Variants in PCDHGA5 observed in about 807,000 individuals in gnomAD.
PCDHGA5 encodes the protein protocadherin gamma subfamily A, 5.
PCDHGA5 carries 36 observed loss-of-function variants against 56.7 expected under a neutral mutation model. The observed-to-expected ratio is 0.64, with a 90% confidence interval of 0.49 to 0.84. The LOEUF is 0.84. Among genes scored for constraint, PCDHGA5 ranks in the 40% least tolerant of loss-of-function variants. The pLI is 0.00. For synonymous variants in PCDHGA5, 563 were observed against 520.2 expected (o/e 1.08, Z -1.12); for missense variants, 1,305 against 1,201.5 (o/e 1.09, Z -1.27).
chr5:141,379,850 ATTATTGTCTTATTCTTAT>A (rs1302175225), intron 1 of PCDHGA5, among the ~76,000 whole-genome samples: 1 of 133,230 alleles, frequency 7.5e-6, no homozygotes, highest in African/African-American at 2.8e-5. Flanking sequence ...AAACTACCAA[ATTATTGTCTTATTCTTAT>A]TTTATGGTCT....
intron 1 of PCDHGA5, chr5:141,417,186 C>A (rs2154546857): frequency 6.6e-6 from 1 of 152,258 alleles, no homozygotes; most frequent in Admixed American, 6.5e-5. Context: ...GGAATTATTA[C>A]TTTCTGGGTG....
At chr5:141,389,122 A>G (rs2091613113) in intron 1 of PCDHGA5, 1 of 1,613,914 alleles carries the variant, frequency 6.2e-7, no homozygotes, top group Admixed American at 1.7e-5. Context: ...CGCGAGCAGA[A>G]TCCAGAGTAC....
intron 1 of PCDHGA5, among the ~76,000 whole-genome samples, chr5:141,464,935 T>A (rs1157718693): frequency 6.6e-6 from 1 of 151,882 alleles, no homozygotes; most frequent in African/African-American, 2.4e-5. Flanking sequence ...AGATGTGAGG[T>A]CTCACTATGT....
intron 1 of PCDHGA5, chr5:141,419,328 C>T (rs2096360351): frequency 6.2e-7 from 1 of 1,613,954 alleles, no homozygotes. Context: ...GTCTCCTACT[C>T]TCTCATTGCC....
rs183831513 is a variant in PCDHGA5 at position 141,497,605 on chromosome 5, T to A, written c.2480+2740T>A. ...CCCAAGCTGGAGTGCAGTGGTGCGA[T>A]CTTGGCTCACTGCAACCTCTGCCTG... On this transcript the variant is annotated intron_variant, in intron 2 of 3. Coordinates refer to ENST00000518069, the MANE Select transcript of PCDHGA5 (RefSeq NM_018918.3). Among the ~76,000 whole-genome samples, 19 of 151,488 alleles carry A rather than the reference T, an allele frequency of 1.3e-4. No individual in the cohort carries two copies. In the East Asian group the frequency reaches 3.7e-3, roughly 29 times the overall value.
intron 1 of PCDHGA5, chr5:141,441,823 C>T (rs538052540): frequency 3.9e-5 from 14 of 357,336 alleles, no homozygotes; most frequent in Non-Finnish European, 6.6e-5. Context: ...AGCTCTGGAG[C>T]GCAATGGCTT....
At chr5:141,482,074 A>G (rs1349748840) in intron 1 of PCDHGA5, among the ~76,000 whole-genome samples, 2 of 142,830 alleles carry the variant, frequency 1.4e-5, no homozygotes, top group Non-Finnish European at 3.0e-5. Context: ...AACAAGAACA[A>G]AACTCACTCC....
At chr5:141,505,275 AGGTCTTGGGCATGGGGTAG>A (rs1251192617) in intron 2 of PCDHGA5, 99 bp from the exon 3 acceptor site, 87 of 1,525,470 alleles carry the variant, frequency 5.7e-5, no homozygotes, top group Non-Finnish European at 2.0e-5. Context: ...TGAGAGAAAC[AGGTCTTGGGCATGGGGTAG>A]GGTTAGGGTA....
chr5:141,388,394 C>G lies in PCDHGA5; in HGVS notation c.2421+21643C>G, dbSNP rs371227077. 5 of 1,613,846 alleles carry G rather than the reference C, an allele frequency of 3.1e-6. No individual in the cohort carries two copies. In the African/African-American group the frequency reaches 4.0e-5, roughly 13 times the overall value. ...TTGGTAGCAACACACTGCAGAATTA[C>G]CAACTCAGTCCCAGTGATCATTTCT... On this transcript the variant is annotated intron_variant, in intron 1 of 3. Coordinates refer to ENST00000518069, the MANE Select transcript of PCDHGA5 (RefSeq NM_018918.3).
chr5:141,449,584 G>C (rs2098645697), intron 1 of PCDHGA5, among the ~76,000 whole-genome samples: 1 of 123,190 alleles, frequency 8.1e-6, no homozygotes, highest in South Asian at 2.5e-4. Context: ...GCAAGACTCT[G>C]TCTCAAAAAA....
intron 1 of PCDHGA5, chr5:141,389,608 T>C (rs1458951980): frequency 1.9e-6 from 3 of 1,613,138 alleles, no homozygotes; most frequent in East Asian, 2.2e-5. Context: ...CTCTTCGATA[T>C]GGTGCCGCAC....
intron 1 of PCDHGA5, chr5:141,394,825 T>G: frequency 6.2e-7 from 1 of 1,613,802 alleles, no homozygotes; most frequent in Non-Finnish European, 8.5e-7. Flanking sequence ...ATCCCCGAAG[T>G]CCTGACCGAG....
At chr5:141,375,842 C>A (rs547807235) in intron 1 of PCDHGA5, 13 of 1,614,122 alleles carry the variant, frequency 8.1e-6, no homozygotes, top group Non-Finnish European at 1.1e-5. Flanking sequence ...GCCCGGCTAC[C>A]TGGTGACCAA....
In PCDHGA5 at chr5:141,476,833, C is replaced by T. The variant is rs746365316; in HGVS notation, c.2422-17974C>T. 1.4e-5 allele frequency: 23 copies of T among 1,613,524 alleles called. No homozygotes were observed. Among genetic ancestry groups the T allele is most frequent in the Non-Finnish European group, 1.9e-5 (23 of 1,180,050 alleles). On this transcript the variant is annotated intron_variant, in intron 1 of 3. Coordinates refer to ENST00000518069, the MANE Select transcript of PCDHGA5 (RefSeq NM_018918.3). The surrounding 1 kb of genome is among the most constrained non-coding windows in gnomAD (Gnocchi z 7.6). Reference sequence around the variant, plus strand: ...ACATCAAGGTGCTGGACGCGAATGACAATGCGCCTGTCTTCAACCAGTCCT... The same window carrying T: ...ACATCAAGGTGCTGGACGCGAATGATAATGCGCCTGTCTTCAACCAGTCCT...
chr5:141,410,623 G>A (rs2154543147), intron 1 of PCDHGA5: 1 of 1,603,052 alleles, frequency 6.2e-7, no homozygotes, highest in Non-Finnish European at 8.5e-7. Flanking sequence ...TGACTTCGGT[G>A]AGTTTCTCTT....
At chr5:141,383,843 A>G in intron 1 of PCDHGA5, 4 of 1,613,970 alleles carry the variant, frequency 2.5e-6, no homozygotes, top group Non-Finnish European at 2.5e-6. Flanking sequence ...ACTGCCTTCT[A>G]TGAAATGGAG....
intron 1 of PCDHGA5, chr5:141,404,230 C>T: frequency 6.2e-7 from 1 of 1,613,836 alleles, no homozygotes; most frequent in Non-Finnish European, 8.5e-7. Context: ...CTGCAACAGA[C>T]AGAGGAACTC....
chr5:141,450,207 A>AAGG (rs1164364390), intron 1 of PCDHGA5, among the ~76,000 whole-genome samples: 13 of 151,832 alleles, frequency 8.6e-5, no homozygotes, highest in Non-Finnish European at 1.8e-4. Flanking sequence ...TAGTAGAGAC[A>AAGG]AGGTTTCACT....
At position 141,408,409 on chromosome 5, in the gene PCDHGA5, C is replaced by G. The variant is rs780778580; in HGVS notation, c.2421+41658C>G. On this transcript the variant is annotated intron_variant, in intron 1 of 3. Coordinates refer to ENST00000518069, the MANE Select transcript of PCDHGA5 (RefSeq NM_018918.3). ...TGTCGGCTCGCAAGCTGCGAGTGAGCGCGGAGAAGCTGCACTTCAGCGTAG... is the reference window on the plus strand; with the variant it reads ...TGTCGGCTCGCAAGCTGCGAGTGAGGGCGGAGAAGCTGCACTTCAGCGTAG... 3.1e-6 allele frequency: 5 copies of G among 1,613,884 alleles called. No individual in the cohort carries two copies. In the East Asian group the frequency reaches 1.1e-4, roughly 36 times the overall value.
Sources: allele counts gnomAD v4.1 joint callset (sites outside exome capture counted in the v4.1 genomes callset), GRCh38; gene constraint gnomAD v4.1.1; non-coding constraint Gnocchi (gnomAD v3.1); transcripts MANE v1.5; gene names NCBI Gene and HGNC (gene_info 2026-07-23, HGNC 2026-07-21).